The following MANEA variants were observed in gnomAD, a reference collection of about 807,000 sequenced individuals.
MANEA encodes the protein mannosidase endo-alpha.
MANEA carries 25 observed loss-of-function variants against 36.8 expected under a neutral mutation model. The ratio of observed to expected loss-of-function variants is 0.68; its 90% CI spans 0.50 to 0.95. The LOEUF is 0.95. MANEA is among the 40% of genes least tolerant of loss of function. MANEA has a pLI of 0.00. For synonymous variants in MANEA, 198 were observed against 188.5 expected (o/e 1.05, Z -0.41); for missense variants, 565 against 558.8 (o/e 1.01, Z -0.11).
At position 95,580,243 on chromosome 6, in the gene MANEA, G is replaced by A. The variant is rs548540779; in HGVS notation, c.-39+2605G>A. Reference sequence around the variant, plus strand: ...ACATATATATATATACACACACACTGCCTGAATACCAATGAAACAGCAAAG... The same window carrying A: ...ACATATATATATATACACACACACTACCTGAATACCAATGAAACAGCAAAG... On this transcript the variant is annotated intron_variant, in intron 1 of 4. Transcript: ENST00000358812. Among the ~76,000 whole-genome samples, 271 of 151,930 alleles carry A rather than the reference G, an allele frequency of 1.8e-3. 3 individuals are homozygous for A. Among genetic ancestry groups the A allele is most frequent in the African/African-American group, 6.3e-3 (259 of 41,408 alleles).
chr6:95,596,770 T>C lies in MANEA; in HGVS notation c.578T>C (p.Val193Ala). Residue 193 changes from valine (V) to alanine (A), a missense_variant, in exon 3 of 5, where the codon GTA becomes GCA. By Grantham distance (64) the Val-to-Ala change is moderately conservative. Coordinates refer to ENST00000358812, the MANE Select transcript of MANEA (RefSeq NM_024641.4). ...GCCCTCTCTTGGTACCCACCTGATG[T>C]AAATGATGAAAATGGAGAACCTACT... ...VLALSWYPPD[V>A]NDENGEPTDN... 6.2e-7 allele frequency: 1 copy of C among 1,608,176 alleles called. No homozygotes were observed. Among genetic ancestry groups the C allele is most frequent in the Admixed American group, 1.7e-5 (1 of 59,992 alleles).
At chr6:95,600,253 T>TC (rs1331629556) in intron 3 of MANEA, among the ~76,000 whole-genome samples, 2 of 152,164 alleles carry the variant, frequency 1.3e-5, no homozygotes, top group Non-Finnish European at 2.9e-5. Context: ...TGGAACACGA[T>TC]AGACTAATGT....
intron 3 of MANEA, among the ~76,000 whole-genome samples, chr6:95,604,061 G>GGT (rs71012509): frequency 0.17 from 23,113 of 138,240 alleles, 1,932 homozygotes; most frequent in Non-Finnish European, 0.18. Context: ...TATGTATGTA[G>GGT]GTGTGTGTGT....
chr6:95,600,466 G>A (rs144138761), intron 3 of MANEA, among the ~76,000 whole-genome samples: 1 of 152,206 alleles, frequency 6.6e-6, no homozygotes, highest in East Asian at 1.9e-4. Flanking sequence ...TATTGGATTT[G>A]TCTATGATTT....
intron 3 of MANEA, among the ~76,000 whole-genome samples, chr6:95,597,857 A>G (rs996453014): frequency 2.6e-5 from 4 of 152,056 alleles, no homozygotes; most frequent in African/African-American, 9.7e-5. Flanking sequence ...ATTAATCTTT[A>G]CTATTGTCCA....
Position 95,606,254 on chromosome 6 carries a change from A to G in MANEA, c.1238A>G (p.Lys413Arg), listed in dbSNP as rs1335648278. ...TGGCATGAAGGAACTCAGATTGAAA[A>G]AGCTGTTCCCAAAAGAACCAGTAAT... is the stretch of plus-strand genomic sequence containing the variant. The part of the protein sequence containing the change: ...NEWHEGTQIE[K>R]AVPKRTSNTV... The change falls in exon 5 of 5, where the codon AAA becomes AGA. Residue 413 changes from lysine (K) to arginine (R), a missense_variant. Physicochemically the swap from Lys to Arg is conservative, Grantham distance 26. Coordinates refer to ENST00000358812, the MANE Select transcript of MANEA (RefSeq NM_024641.4). 4 of 1,613,896 alleles carry G rather than the reference A, an allele frequency of 2.5e-6. No individual in the cohort carries two copies. In the South Asian group the frequency reaches 4.4e-5, roughly 18 times the overall value.
At chr6:95,578,327 TTTG>T (rs1769111799) in intron 1 of MANEA, among the ~76,000 whole-genome samples, 2 of 152,188 alleles carry the variant, frequency 1.3e-5, no homozygotes, top group African/African-American at 2.4e-5. Flanking sequence ...ACTGTTTGGT[TTTG>T]TTGTTGTAAG....
intron 1 of MANEA, among the ~76,000 whole-genome samples, chr6:95,584,129 A>C (rs1189067922): frequency 6.6e-6 from 1 of 152,196 alleles, no homozygotes; most frequent in Non-Finnish European, 1.5e-5. Flanking sequence ...CAGGACCACT[A>C]TAATTGTGTT....
Position 95,586,765 on chromosome 6 carries a change from G to T in MANEA, c.326G>T (p.Ser109Ile). ...AATTATCTACATGTATTTTATTACA[G>T]TTGGTATGGAAATCCACAATTTGAT... ...LNNYLHVFYYSWYGNPQFDGK... is the reference protein window; with the variant it reads ...LNNYLHVFYYIWYGNPQFDGK... The change falls in exon 2 of 5, where the codon AGT (serine) becomes ATT (isoleucine). Residue 109 changes from serine to isoleucine, a missense_variant. Coordinates refer to ENST00000358812, the MANE Select transcript of MANEA (RefSeq NM_024641.4). 1 of 1,613,668 alleles carries T rather than the reference G, an allele frequency of 6.2e-7. No individual in the cohort carries two copies. The highest frequency in any genetic ancestry group is 8.5e-7 in the Non-Finnish European group (1 of 1,179,632).
intron 2 of MANEA, 51 bp from the exon 3 acceptor site, chr6:95,596,686 T>C (rs776626647): frequency 7.4e-6 from 7 of 948,480 alleles, no homozygotes; most frequent in Non-Finnish European, 1.2e-5. Flanking sequence ...TTTAAGAATA[T>C]CTGCATTCAT....
rs931907062 is a variant in MANEA, at chr6:95,605,919, C to T, written c.903C>T (p.Ala301=). The part of the protein sequence containing the change: ...RNSPYDGLFI[A]LLVEEKHKYD... ...CTCCTTATGATGGACTGTTTATTGC[C>T]CTTCTGGTAGAAGAAAAACATAAGT... Residue 301 remains alanine, a synonymous_variant, in exon 5 of 5, where the codon GCC becomes GCT. Coordinates refer to ENST00000358812, the MANE Select transcript of MANEA (RefSeq NM_024641.4). 5.0e-6 allele frequency: 8 copies of T among 1,613,698 alleles called. No homozygotes were observed. In the African/African-American group the frequency reaches 8.0e-5, roughly 16 times the overall value.
chr6:95,605,002 T>A, intron 4 of MANEA, 99 bp downstream of exon 4: 1 of 432,554 alleles, frequency 2.3e-6, no homozygotes, highest in South Asian at 7.0e-5. Flanking sequence ...TTGAATGATT[T>A]ATGATTATTC....
At chr6:95,582,105 T>C (rs1769193749) in intron 1 of MANEA, among the ~76,000 whole-genome samples, 1 of 90,948 alleles carries the variant, frequency 1.1e-5, no homozygotes, top group Non-Finnish European at 2.3e-5. Flanking sequence ...AAATGTTTGT[T>C]GTGATGTCAA....
intron 1 of MANEA, among the ~76,000 whole-genome samples, chr6:95,581,923 T>C (rs1171445694): frequency 5.9e-5 from 9 of 152,130 alleles, no homozygotes; most frequent in Admixed American, 5.9e-4. Flanking sequence ...TAAGAAAATA[T>C]CACTGTTGTC....
chr6:95,605,972 G>A lies in MANEA; in HGVS notation c.956G>A (p.Gly319Glu), dbSNP rs779937977. ...GATATTCTTCAAAGTGGTTTTGATG[G>A]AATTTACACATATTTTGCCACAAAT... ...KYDILQSGFD[G>E]IYTYFATNGF... is the part of the protein sequence containing the mutation. The change falls in exon 5 of 5, where the codon GGA (glycine) becomes GAA (glutamate). Residue 319 changes from glycine to glutamate, a missense_variant. By Grantham distance (98) the Gly-to-Glu change is moderately conservative. Coordinates refer to ENST00000358812, the MANE Select transcript of MANEA (RefSeq NM_024641.4). The A allele has an allele frequency of 5.6e-6, 9 of 1,613,734 alleles. No individual in the cohort carries two copies. Among genetic ancestry groups the A allele is most frequent in the Non-Finnish European group, 6.8e-6 (8 of 1,179,924 alleles).
At chr6:95,601,781 G>A (rs1769599085) in intron 3 of MANEA, among the ~76,000 whole-genome samples, 1 of 126,524 alleles carries the variant, frequency 7.9e-6, no homozygotes, top group African/African-American at 3.1e-5. Context: ...ACTCAGCCCT[G>A]GTGATCTTCT....
At chr6:95,591,373 A>T (rs1403511294) in intron 2 of MANEA, among the ~76,000 whole-genome samples, 1 of 151,816 alleles carries the variant, frequency 6.6e-6, no homozygotes, top group Non-Finnish European at 1.5e-5. Flanking sequence ...TTTCTTTTGG[A>T]ATTTTGAAAA....
intron 3 of MANEA, among the ~76,000 whole-genome samples, chr6:95,597,322 G>A (rs1769499461): frequency 6.6e-6 from 1 of 152,018 alleles, no homozygotes; most frequent in African/African-American, 2.4e-5. Flanking sequence ...TATATTTGAT[G>A]CAGAAATTAA....
At chr6:95,603,846 G>T (rs185329905) in intron 3 of MANEA, among the ~76,000 whole-genome samples, 18 of 152,150 alleles carry the variant, frequency 1.2e-4, no homozygotes, top group African/African-American at 4.3e-4. Context: ...TGTCATCTAA[G>T]AGAAGTATCT....
Sources: gnomAD v4.1 joint callset for allele counts (sites outside exome capture counted in the v4.1 genomes callset) on GRCh38, gnomAD v4.1.1 for gene constraint, MANE v1.5 for transcripts, NCBI Gene and HGNC (gene_info 2026-07-23, HGNC 2026-07-21) for gene names.